The following MAD1L1 variants were observed in gnomAD, a reference collection of about 807,000 sequenced individuals.
The protein encoded by MAD1L1 is mitotic spindle assembly checkpoint protein MAD1.
A neutral mutation model predicts 96.9 loss-of-function variants in MAD1L1; 95 were observed. That is an observed-to-expected ratio of 0.98 (90% CI 0.83 to 1.16). MAD1L1 has a LOEUF of 1.16. MAD1L1 is among the 50% of genes most tolerant of loss of function. The probability of loss-of-function intolerance (pLI) is 0.00; values close to 1 mark genes in which losing one functional copy is unlikely to be tolerated. For synonymous variants in MAD1L1, 473 were observed against 396.6 expected, an observed-to-expected ratio of 1.19 and a Z score of -2.29; for missense variants, 1,007 against 954.4, an observed-to-expected ratio of 1.06 and a Z score of -0.73.
chr7:1,966,014 C>T (rs554325065), intron 15 of MAD1L1, among the ~76,000 whole-genome samples: 7 of 152,288 alleles, frequency 4.6e-5, no homozygotes, highest in Non-Finnish European at 7.4e-5. Flanking sequence ...CATCTGAAGC[C>T]GGTGAGAGCT....
At chr7:2,164,054 T>TG (rs1307675303) in intron 10 of MAD1L1, among the ~76,000 whole-genome samples, 3 of 152,020 alleles carry the variant, frequency 2.0e-5, no homozygotes, top group Non-Finnish European at 4.4e-5. Flanking sequence ...CTCAGGAAAA[T>TG]GGGAACAGTT....
intron 11 of MAD1L1, among the ~76,000 whole-genome samples, chr7:2,071,122 C>A (rs959912782): frequency 6.6e-6 from 1 of 150,858 alleles, no homozygotes; most frequent in Non-Finnish European, 1.5e-5. Flanking sequence ...AGCTTCATCC[C>A]GGGGCTGGGG....
At chr7:1,935,043 G>A (rs1778510057) in intron 17 of MAD1L1, among the ~76,000 whole-genome samples, 1 of 151,886 alleles carries the variant, frequency 6.6e-6, no homozygotes, top group African/African-American at 2.4e-5. Context: ...ACCCGAGACG[G>A]GCAGAGACCC....
At chr7:2,053,767 T>A (rs1784281806) in intron 12 of MAD1L1, among the ~76,000 whole-genome samples, 1 of 152,036 alleles carries the variant, frequency 6.6e-6, no homozygotes, top group African/African-American at 2.4e-5. Context: ...TTCAGTAGGC[T>A]CCTGTGACCG....
At chr7:2,030,337 A>G (rs1188162148) in intron 12 of MAD1L1, among the ~76,000 whole-genome samples, 2 of 152,238 alleles carry the variant, frequency 1.3e-5, no homozygotes, top group African/African-American at 2.4e-5. Context: ...GTCCAGTTCA[A>G]TGGATGGTGA....
At chr7:2,051,071 A>T (rs1443565575) in intron 12 of MAD1L1, among the ~76,000 whole-genome samples, 1 of 152,250 alleles carries the variant, frequency 6.6e-6, no homozygotes, top group African/African-American at 2.4e-5. Context: ...TTTCTCTACC[A>T]AACAGGATAG....
intron 10 of MAD1L1, among the ~76,000 whole-genome samples, chr7:2,210,450 T>TGCGGCATGAGCACCAC (rs1562375185): frequency 7.4e-6 from 1 of 134,836 alleles, no homozygotes; most frequent in African/African-American, 2.6e-5. Context: ...TCCCGTGGAC[T>TGCGGCATGAGCACCAC]CTCTAGGAGC....
At chr7:2,151,718 A>G (rs1789579965) in intron 10 of MAD1L1, among the ~76,000 whole-genome samples, 1 of 152,272 alleles carries the variant, frequency 6.6e-6, no homozygotes, top group Non-Finnish European at 1.5e-5. Flanking sequence ...TGCCAAGACC[A>G]TGATAAATGC....
At chr7:2,105,218 G>C (rs1000483628) in intron 11 of MAD1L1, among the ~76,000 whole-genome samples, 2 of 152,110 alleles carry the variant, frequency 1.3e-5, no homozygotes, top group African/African-American at 4.8e-5. Context: ...GGTCTCTGCC[G>C]ACAAGGGGTT....
chr7:2,226,848 G>T (rs1203952080), intron 3 of MAD1L1, among the ~76,000 whole-genome samples: 1 of 151,820 alleles, frequency 6.6e-6, no homozygotes. Flanking sequence ...AAATTAGCTG[G>T]TCGTGGTGGT....
At chr7:1,860,115 T>G (rs1784462806) in intron 18 of MAD1L1, among the ~76,000 whole-genome samples, 1 of 140,524 alleles carries the variant, frequency 7.1e-6, no homozygotes, top group Non-Finnish European at 1.5e-5. Context: ...GCGGCCTCTG[T>G]GTCCCTAGAC....
At chr7:2,014,769 A>G (rs1245162972) in intron 12 of MAD1L1, 127 bp from the exon 13 acceptor site, 1 of 1,096,134 alleles carries the variant, frequency 9.1e-7, no homozygotes, top group African/African-American at 1.6e-5. Context: ...CCAGGCCAGC[A>G]CTCAGAGCCC....
intron 18 of MAD1L1, among the ~76,000 whole-genome samples, chr7:1,888,503 C>T (rs1027743713): frequency 1.4e-5 from 2 of 146,816 alleles, no homozygotes; most frequent in African/African-American, 5.1e-5. Context: ...TATGTGGCTG[C>T]CTGTTCGTGT....
chr7:1,932,231 C>G (rs988810330), intron 17 of MAD1L1, among the ~76,000 whole-genome samples: 2 of 152,242 alleles, frequency 1.3e-5, no homozygotes, highest in African/African-American at 4.8e-5. Flanking sequence ...CCTAAGGCTT[C>G]CTTCTCTGCT....
chr7:2,204,678 T>C (rs1320313393), intron 10 of MAD1L1, among the ~76,000 whole-genome samples: 3 of 152,244 alleles, frequency 2.0e-5, no homozygotes, highest in African/African-American at 7.2e-5. Context: ...GGTCCACGTA[T>C]CCCTTCACCT....
intron 11 of MAD1L1, among the ~76,000 whole-genome samples, chr7:2,079,230 C>T (rs755776476): frequency 2.0e-5 from 3 of 152,186 alleles, no homozygotes; most frequent in Admixed American, 6.5e-5. Flanking sequence ...GGTTCAGACT[C>T]GGAAGGGGCT....
chr7:1,900,505 C>T (rs1787179629), intron 17 of MAD1L1, among the ~76,000 whole-genome samples: 3 of 152,150 alleles, frequency 2.0e-5, no homozygotes, highest in African/African-American at 4.8e-5. Flanking sequence ...TCCAGCAGGA[C>T]GAGGCTGGGG....
chr7:1,951,980 G>A (rs1373755121), intron 16 of MAD1L1, among the ~76,000 whole-genome samples: 1 of 152,180 alleles, frequency 6.6e-6, no homozygotes, highest in Non-Finnish European at 1.5e-5. Flanking sequence ...TCAGTGTGGT[G>A]AAACAAAGCC....
chr7:2,091,731 A>G (rs1236593212), intron 11 of MAD1L1, among the ~76,000 whole-genome samples: 1 of 151,674 alleles, frequency 6.6e-6, no homozygotes. Flanking sequence ...AGCAGAGATC[A>G]CGCCACTGCA....
Sources: allele counts gnomAD v4.1 joint callset (sites outside exome capture counted in the v4.1 genomes callset), GRCh38; gene constraint gnomAD v4.1.1; transcripts MANE v1.5; gene names NCBI Gene and HGNC (gene_info 2026-07-23, HGNC 2026-07-21).